The following OLFM3 variants were observed in gnomAD, a reference collection of about 807,000 sequenced individuals.
OLFM3 encodes the protein olfactomedin 3, also known as noelin-3.
A neutral mutation model predicts 48.6 loss-of-function variants in OLFM3; 20 were observed. The ratio of observed to expected loss-of-function variants is 0.41; its 90% CI spans 0.29 to 0.60. The LOEUF is 0.60. Among genes scored for constraint, OLFM3 ranks in the 20% least tolerant of loss-of-function variants. The pLI, the probability that OLFM3 is intolerant of heterozygous loss-of-function variation, is 0.28. For synonymous variants in OLFM3, 222 were observed against 198.1 expected (o/e 1.12, Z -1.01); for missense variants, 437 against 544.3 (o/e 0.80, Z 1.96).
chr1:101,938,190 T>G (rs1477224007), intron 1 of OLFM3, among the ~76,000 whole-genome samples: 1 of 152,222 alleles, frequency 6.6e-6, no homozygotes, highest in Non-Finnish European at 1.5e-5. Context: ...TTATCAGAGA[T>G]ATAATTCCTA....
intron 2 of OLFM3, 126 bp downstream of exon 2, chr1:101,836,753 A>G (rs1287547923): frequency 3.3e-6 from 3 of 922,600 alleles, no homozygotes; most frequent in South Asian, 1.6e-5. Flanking sequence ...CAGAAAAAAA[A>G]GCTTATCTGA....
chr1:101,838,362 CTAT>C (rs1274601782), intron 1 of OLFM3, among the ~76,000 whole-genome samples: 1 of 151,998 alleles, frequency 6.6e-6, no homozygotes, highest in Non-Finnish European at 1.5e-5. Context: ...ACCAGCCCAG[CTAT>C]TAGAAATGTA....
At chr1:101,810,879 G>T (rs1266589533) in intron 4 of OLFM3, among the ~76,000 whole-genome samples, 3 of 151,614 alleles carry the variant, frequency 2.0e-5, no homozygotes, top group African/African-American at 7.3e-5. Context: ...ACAGTGGTTA[G>T]TAAATGTGCA....
intron 1 of OLFM3, among the ~76,000 whole-genome samples, chr1:101,982,452 A>T (rs532944005): frequency 5.1e-4 from 78 of 152,342 alleles, no homozygotes; most frequent in Non-Finnish European, 8.4e-4. Flanking sequence ...AGATTTTTTT[A>T]AAATGTATTA....
rs1653588015 is a variant in OLFM3, at chr1:101,803,435, A to G, written c.*803T>C. On this transcript the variant is annotated 3_prime_UTR_variant, in exon 6 of 6. Transcript: ENST00000370103. ...GAAATCAGTTGTTGCATTCAATGTC[A>G]GTGGCCCAAAAAACTTGGGGTAAAA... 1 of 152,118 alleles carries G rather than the reference A, an allele frequency of 6.6e-6. No homozygotes were observed. The highest frequency in any genetic ancestry group is 2.4e-5 in the African/African-American group (1 of 41,394). The allele number at this position is 152,118 out of a possible 1,614,324, so 9.4% of individuals were successfully genotyped here. A position where few individuals can be genotyped will look rare whatever the true frequency, so the allele number is the denominator to read the frequency against.
intron 1 of OLFM3, among the ~76,000 whole-genome samples, chr1:101,942,922 A>C (rs1570651794): frequency 6.6e-6 from 1 of 152,138 alleles, no homozygotes. Flanking sequence ...GAGAGTCACT[A>C]TTTACAATTC....
chr1:101,882,316 CATATATATATATATA>C (rs1262321472), intron 1 of OLFM3, among the ~76,000 whole-genome samples: 1 of 115,030 alleles, frequency 8.7e-6, no homozygotes, highest in Non-Finnish European at 1.9e-5. Flanking sequence ...AATATAAGTG[CATATATATATATATA>C]ATATATATAT....
chr1:101,985,943 GA>G (rs1661220871), intron 1 of OLFM3, among the ~76,000 whole-genome samples: 2 of 148,636 alleles, frequency 1.3e-5, no homozygotes, highest in Admixed American at 1.3e-4. Flanking sequence ...GAAGTAAAAA[GA>G]ATGAAAAAAT....
At chr1:101,808,908 C>T (rs1353592769) in intron 4 of OLFM3, among the ~76,000 whole-genome samples, 10 of 151,640 alleles carry the variant, frequency 6.6e-5, no homozygotes, top group Admixed American at 5.9e-4. Context: ...GATCCTAGTA[C>T]CTTCTAAGAG....
intron 3 of OLFM3, among the ~76,000 whole-genome samples, chr1:101,828,850 T>G (rs962204605): frequency 6.6e-6 from 1 of 152,180 alleles, no homozygotes; most frequent in African/African-American, 2.4e-5. Context: ...ACCTCAGCAT[T>G]GGGTTCCCAT....
intron 1 of OLFM3, among the ~76,000 whole-genome samples, chr1:101,934,784 C>T (rs2101052307): frequency 6.6e-6 from 1 of 151,724 alleles, no homozygotes; most frequent in Admixed American, 6.6e-5. Flanking sequence ...GACCTCAACA[C>T]AATAAAAACA....
intron 1 of OLFM3, among the ~76,000 whole-genome samples, chr1:101,969,031 T>C (rs1660701814): frequency 6.6e-6 from 1 of 152,246 alleles, no homozygotes. Flanking sequence ...GATTTTCAGT[T>C]GCTTTCCTGG....
At chr1:101,941,536 AT>A (rs2101059831) in intron 1 of OLFM3, among the ~76,000 whole-genome samples, 1 of 152,286 alleles carries the variant, frequency 6.6e-6, no homozygotes, top group African/African-American at 2.4e-5. Flanking sequence ...AGACAGTACA[AT>A]TTTAAGTTAT....
At chr1:101,957,979 C>A (rs1660347938) in intron 1 of OLFM3, among the ~76,000 whole-genome samples, 1 of 152,014 alleles carries the variant, frequency 6.6e-6, no homozygotes, top group Admixed American at 6.6e-5. Flanking sequence ...AGAGGTGCAG[C>A]AACTGTGGAT....
chr1:101,948,986 T>A (rs1021063375), intron 1 of OLFM3, among the ~76,000 whole-genome samples: 17 of 151,138 alleles, frequency 1.1e-4, no homozygotes, highest in Non-Finnish European at 2.4e-4. Context: ...GAAGTTAGGA[T>A]TGTAAAAAAG....
intron 1 of OLFM3, among the ~76,000 whole-genome samples, chr1:101,879,547 A>G (rs1212619963): frequency 1.3e-5 from 2 of 151,878 alleles, no homozygotes; most frequent in Admixed American, 1.3e-4. Context: ...TTTTTGATGC[A>G]ATACATTGGG....
chr1:101,897,974 G>A (rs779923944), intron 1 of OLFM3, among the ~76,000 whole-genome samples: 1 of 151,978 alleles, frequency 6.6e-6, no homozygotes, highest in Non-Finnish European at 1.5e-5. Context: ...ACTGAGGATT[G>A]ACTCTTAGCT....
intron 2 of OLFM3, among the ~76,000 whole-genome samples, chr1:101,836,235 A>C (rs1177339538): frequency 6.6e-6 from 1 of 152,216 alleles, no homozygotes; most frequent in Non-Finnish European, 1.5e-5. Flanking sequence ...TATTTGACAG[A>C]ACGATTCATT....
At chr1:101,846,339 A>G (rs1191479486) in intron 1 of OLFM3, among the ~76,000 whole-genome samples, 1 of 152,124 alleles carries the variant, frequency 6.6e-6, no homozygotes, top group Non-Finnish European at 1.5e-5. Flanking sequence ...TAAATTGGCG[A>G]GTTTTTTCAT....
Sources: allele counts gnomAD v4.1 joint callset (sites outside exome capture counted in the v4.1 genomes callset), GRCh38; gene constraint gnomAD v4.1.1; transcripts MANE v1.5; gene names NCBI Gene and HGNC (gene_info 2026-07-23, HGNC 2026-07-21).